UBR1: variants seen among roughly 807,000 people sequenced by gnomAD.
The protein encoded by UBR1 is E3 ubiquitin-protein ligase UBR1.
UBR1 carries 102 observed loss-of-function variants against 242.1 expected under a neutral mutation model. The observed-to-expected ratio is 0.42, with a 90% CI of 0.36 to 0.50. The LOEUF (loss-of-function observed/expected upper bound fraction) is 0.50. UBR1 is among the 20% of genes least tolerant of loss of function. The pLI, the probability that UBR1 is intolerant of heterozygous loss-of-function variation, is 0.01. For synonymous variants in UBR1, 675 were observed against 684.8 expected (o/e 0.99, Z 0.22); for missense variants, 1,772 against 2,101.8 (o/e 0.84, Z 3.07).
rs1427679538 is a variant in UBR1, at chr15:43,105,934, G to A, written c.81+8C>T. 1 of 1,613,642 alleles carries A rather than the reference G, an allele frequency of 6.2e-7. No homozygotes were observed. The highest frequency in any genetic ancestry group is 8.5e-7 in the Non-Finnish European group (1 of 1,179,838). Reference sequence around the variant, plus strand: ...GAGGACAAAAGAGACTTGCCTATAGGGACTTACAGATGCCAGACGCTGAGG... The same window carrying A: ...GAGGACAAAAGAGACTTGCCTATAGAGACTTACAGATGCCAGACGCTGAGG... On this transcript the variant is annotated splice_region_variant and intron_variant, in intron 1 of 46. Coordinates refer to ENST00000290650, the MANE Select transcript of UBR1 (RefSeq NM_174916.3).
chr15:43,068,013 C>G lies in UBR1; in HGVS notation c.683G>C (p.Cys228Ser). 1 of 1,580,762 alleles carries G rather than the reference C, an allele frequency of 6.3e-7. No individual in the cohort carries two copies. Among genetic ancestry groups the G allele is most frequent in the Non-Finnish European group, 8.6e-7 (1 of 1,162,656 alleles). The stretch of plus-strand genomic sequence containing the variant: ...ATGGTGTTCATCATTGAAAAGGACA[C>G]AATAGTATCTTTCATTTTTCTCCCT... ...QIREKNERYY[C>S]VLFNDEHHSY... Residue 228 changes from cysteine to serine, a missense_variant, in exon 6 of 47, where the codon TGT becomes TCT. Cys to Ser is a moderately radical substitution (Grantham distance 112, BLOSUM62 -1). Around this residue, in one of 3 missense-constraint regions of UBR1, gnomAD observed 734 missense variants for 893.3 expected, o/e 0.82. Coordinates refer to ENST00000290650, the MANE Select transcript of UBR1 (RefSeq NM_174916.3).
chr15:42,966,278 C>G lies in UBR1; in HGVS notation c.4466G>C (p.Gly1489Ala). ...CAAATACCAGCCAGGAATATCACAC[C>G]CAATGGAGCTAGGAGACAATAATTC... ...EISQYTSGSIGCDIPGWYLWV... is the reference protein window; with the variant it reads ...EISQYTSGSIACDIPGWYLWV... The change falls in exon 41 of 47, where the codon GGG becomes GCG. Residue 1489 changes from glycine to alanine, a missense_variant. Physicochemically the swap from Gly to Ala is moderately conservative, Grantham distance 60 (BLOSUM62 0). Transcript: ENST00000290650. 1.2e-6 allele frequency: 2 copies of G among 1,614,054 alleles called. No individual in the cohort carries two copies. The highest frequency in any genetic ancestry group is 2.2e-5 in the South Asian group (2 of 91,076).
At chr15:42,950,431 G>T in intron 45 of UBR1, 68 bp from the exon 46 acceptor site, 1 of 1,385,562 alleles carries the variant, frequency 7.2e-7, no homozygotes, top group Non-Finnish European at 1.0e-6. Context: ...CTGCATCAAT[G>T]TTAACCTAGA....
intron 37 of UBR1, among the ~76,000 whole-genome samples, chr15:42,979,505 A>C (rs2032343524): frequency 6.6e-6 from 1 of 152,176 alleles, no homozygotes; most frequent in South Asian, 2.1e-4. Context: ...GTTTACATGC[A>C]GTATATGCAA....
chr15:43,064,197 C>T (rs2033724896), intron 6 of UBR1, among the ~76,000 whole-genome samples: 1 of 152,108 alleles, frequency 6.6e-6, no homozygotes, highest in Admixed American at 6.5e-5. Context: ...CTATTATTTA[C>T]CCGGGGGAGG....
At chr15:43,102,994 C>G (rs1440955126) in intron 1 of UBR1, among the ~76,000 whole-genome samples, 6 of 152,250 alleles carry the variant, frequency 3.9e-5, no homozygotes, top group African/African-American at 7.2e-5. Flanking sequence ...ATGGCAAAAC[C>G]CTGTCTCTAC....
rs148475852 is a variant in UBR1, at chr15:43,091,181, G to A, written c.82-4941C>T. On this transcript the variant is annotated intron_variant, in intron 1 of 46. Coordinates refer to ENST00000290650, the MANE Select transcript of UBR1 (RefSeq NM_174916.3). ...TTGAACTCCCGACCTCAGGTGATCC[G>A]CCCACCTCAGCCTCCCAAAGTGCTG... 9.2e-3 allele frequency among the ~76,000 whole-genome samples: 1,400 copies of A among 152,062 alleles called. 18 individuals are homozygous for A. Among genetic ancestry groups the A allele is most frequent in the African/African-American group, 0.032 (1,330 of 41,462 alleles).
Position 42,958,071 on chromosome 15 carries a change from T to A in UBR1, c.4777A>T (p.Ser1593Cys). 6.2e-7 allele frequency: 1 copy of A among 1,613,514 alleles called. No individual in the cohort carries two copies. Among genetic ancestry groups the A allele is most frequent in the South Asian group, 1.1e-5 (1 of 91,072 alleles). Residue 1593 changes from serine to cysteine, a missense_variant, in exon 44 of 47, where the codon AGT (serine) becomes TGT (cysteine). Physicochemically the swap from Ser to Cys is moderately radical, Grantham distance 112. Coordinates refer to ENST00000290650, the MANE Select transcript of UBR1 (RefSeq NM_174916.3). ...TAGTCATCAGGAAGCTCTATCAAAC[T>A]ATTTCTTTTTCTAGGGTACCTACAA... ...TVVRYPRKRN[S>C]LIELPDDYSC...
intron 43 of UBR1, among the ~76,000 whole-genome samples, chr15:42,959,516 C>T (rs190259667): frequency 1.9e-4 from 29 of 152,168 alleles, no homozygotes; most frequent in African/African-American, 6.7e-4. Context: ...ATGTTCATAA[C>T]TAGATTGTAG....
chr15:42,946,481 T>C (rs2031736927), intron 46 of UBR1, among the ~76,000 whole-genome samples: 1 of 152,176 alleles, frequency 6.6e-6, no homozygotes, highest in African/African-American at 2.4e-5. Flanking sequence ...TGTACCCTTG[T>C]GGAACAACTA....
At chr15:42,977,740 A>C (rs2032312137) in intron 38 of UBR1, 140 bp downstream of exon 38, 1 of 685,480 alleles carries the variant, frequency 1.5e-6, no homozygotes, top group Non-Finnish European at 2.5e-6. Context: ...ACCTATTTGT[A>C]AACAATGGAC....
intron 29 of UBR1, among the ~76,000 whole-genome samples, chr15:43,012,928 T>C (rs1319296019): frequency 6.6e-6 from 1 of 152,136 alleles, no homozygotes; most frequent in Non-Finnish European, 1.5e-5. Flanking sequence ...TTTTTTGAGA[T>C]GGAGTCTCAC....
chr15:43,013,970 G>C (rs1447743119), intron 29 of UBR1, among the ~76,000 whole-genome samples: 1 of 151,292 alleles, frequency 6.6e-6, no homozygotes, highest in Non-Finnish European at 1.5e-5. Flanking sequence ...TCGGCTCACT[G>C]CAACCTCCCC....
intron 3 of UBR1, among the ~76,000 whole-genome samples, chr15:43,076,705 C>T (rs1317951450): frequency 3.4e-5 from 5 of 146,106 alleles, no homozygotes; most frequent in East Asian, 4.2e-4. Flanking sequence ...CCCCTCCGTC[C>T]GGCAGCCACC....
At chr15:43,077,773 A>G (rs2033926166) in intron 3 of UBR1, among the ~76,000 whole-genome samples, 1 of 152,118 alleles carries the variant, frequency 6.6e-6, no homozygotes, top group Non-Finnish European at 1.5e-5. Context: ...CATAGCAACT[A>G]AAACTTATTT....
intron 12 of UBR1, among the ~76,000 whole-genome samples, chr15:43,049,499 C>T (rs1374488581): frequency 1.3e-5 from 2 of 152,092 alleles, no homozygotes; most frequent in Admixed American, 6.5e-5. Context: ...GGAGGCAGAG[C>T]TTGCAGTGAG....
At chr15:43,089,654 G>C (rs2034084822) in intron 1 of UBR1, among the ~76,000 whole-genome samples, 3 of 152,048 alleles carry the variant, frequency 2.0e-5, no homozygotes, top group Admixed American at 1.3e-4. Context: ...GGTTGGTCTT[G>C]AACTCTTGGG....
intron 43 of UBR1, among the ~76,000 whole-genome samples, chr15:42,959,759 G>A (rs1349977860): frequency 2.6e-5 from 4 of 152,168 alleles, no homozygotes; most frequent in African/African-American, 9.7e-5. Flanking sequence ...CACAGAGGCT[G>A]GATCTATTAT....
chr15:43,014,301 C>T (rs1206453962), intron 29 of UBR1, among the ~76,000 whole-genome samples: 2 of 152,198 alleles, frequency 1.3e-5, no homozygotes, highest in Non-Finnish European at 2.9e-5. Flanking sequence ...GCCCAGCCGC[C>T]ACCCCGTCTG....
Sources: allele counts gnomAD v4.1 joint callset (sites outside exome capture counted in the v4.1 genomes callset), GRCh38; gene constraint gnomAD v4.1.1; regional missense constraint gnomAD v4.1.1; transcripts MANE v1.5; gene names NCBI Gene and HGNC (gene_info 2026-07-23, HGNC 2026-07-21).